The following PDZRN4 variants were observed in gnomAD, a reference collection of about 807,000 sequenced individuals.
PDZRN4 encodes the protein PDZ domain-containing RING finger protein 4.
A neutral mutation model predicts 99.0 loss-of-function variants in PDZRN4; 70 were observed. The ratio of observed to expected loss-of-function variants is 0.71; its 90% CI spans 0.58 to 0.86. The LOEUF is 0.86. Ranked by LOEUF, PDZRN4 falls within the 40% of genes least tolerant of loss-of-function variation. The pLI, the probability that PDZRN4 is intolerant of heterozygous loss-of-function variation, is 0.00. For missense variants in PDZRN4, 1,474 were observed against 1,331.2 expected (o/e 1.11, Z -1.67); for synonymous variants, 551 against 501.6 (o/e 1.10, Z -1.32).
At chr12:41,211,162 C>G (rs1240380001) in intron 3 of PDZRN4, among the ~76,000 whole-genome samples, 1 of 151,976 alleles carries the variant, frequency 6.6e-6, no homozygotes, top group African/African-American at 2.4e-5. Context: ...AGTTGCCACA[C>G]AAGGGTACTT....
intron 3 of PDZRN4, among the ~76,000 whole-genome samples, chr12:41,197,793 A>T (rs1004988377): frequency 1.3e-5 from 2 of 152,286 alleles, no homozygotes; most frequent in Non-Finnish European, 2.9e-5. Flanking sequence ...TGTAGTTATC[A>T]TCATGTTAGG....
At chr12:41,441,119 T>C (rs991272782) in intron 3 of PDZRN4, among the ~76,000 whole-genome samples, 3 of 152,186 alleles carry the variant, frequency 2.0e-5, no homozygotes, top group African/African-American at 7.2e-5. Context: ...TGGTGTCCAA[T>C]AATGTGTTAA....
chr12:41,208,099 CT>C (rs1950863494), intron 3 of PDZRN4, among the ~76,000 whole-genome samples: 1 of 151,838 alleles, frequency 6.6e-6, no homozygotes, highest in South Asian at 2.1e-4. Flanking sequence ...AGTGTCCTGT[CT>C]TTTGTGTGTT....
chr12:41,277,518 T>G (rs1431123), intron 3 of PDZRN4, among the ~76,000 whole-genome samples: 12,354 of 152,228 alleles, frequency 0.081, 638 homozygotes, highest in African/African-American at 0.14. Context: ...TATAAACAGA[T>G]GGCCGGCCTT....
rs112259675 is a variant in PDZRN4, at chr12:41,420,944, G to A, written c.844-85512G>A. Among the ~76,000 whole-genome samples, 858 of 152,000 alleles carry A rather than the reference G, an allele frequency of 5.6e-3. 11 individuals carry two copies. The highest frequency in any genetic ancestry group is 0.018 in the African/African-American group (764 of 41,482). On this transcript the variant is annotated intron_variant, in intron 3 of 9. Coordinates refer to ENST00000402685, the MANE Select transcript of PDZRN4 (RefSeq NM_001164595.2). ...ATATCTGTTTATATTCGCTATTCAC[G>A]GTACGTCTTCCTCCTGACTTCATTA... is the stretch of plus-strand genomic sequence containing the variant.
chr12:41,565,821 T>C (rs1939360559), intron 8 of PDZRN4, among the ~76,000 whole-genome samples: 1 of 152,210 alleles, frequency 6.6e-6, no homozygotes, highest in Non-Finnish European at 1.5e-5. Flanking sequence ...TAAGAACTTG[T>C]AGCCACTACC....
chr12:41,311,285 GA>G (rs201992007), intron 3 of PDZRN4, among the ~76,000 whole-genome samples: 14 of 147,904 alleles, frequency 9.5e-5, no homozygotes, highest in African/African-American at 3.2e-4. Context: ...TTTTTTTTCA[GA>G]AAAAAAAATC....
chr12:41,563,744 A>C, intron 8 of PDZRN4, 95 bp downstream of exon 8: 1 of 814,630 alleles, frequency 1.2e-6, no homozygotes. Context: ...ATTATCTGCT[A>C]TTCTCTATCA....
intron 3 of PDZRN4, among the ~76,000 whole-genome samples, chr12:41,214,387 C>T (rs1351871932): frequency 7.6e-6 from 1 of 131,474 alleles, no homozygotes. Context: ...CATGACCACC[C>T]CACTGCACTC....
At chr12:41,412,181 G>C (rs74077600) in intron 3 of PDZRN4, 1 of 152,066 alleles carries the variant, frequency 6.6e-6, no homozygotes, top group Non-Finnish European at 1.5e-5. Context: ...TGTAGCAGTC[G>C]TAGACCCCCT....
At chr12:41,279,319 A>G (rs1001687436) in intron 3 of PDZRN4, among the ~76,000 whole-genome samples, 1 of 152,254 alleles carries the variant, frequency 6.6e-6, no homozygotes, top group Non-Finnish European at 1.5e-5. Context: ...AAAATTGTCA[A>G]AATATTATTT....
chr12:41,451,586 A>G lies in PDZRN4; in HGVS notation c.844-54870A>G, dbSNP rs141412234. On this transcript the variant is annotated intron_variant, in intron 3 of 9. Transcript: ENST00000402685. ...AACTGATCAATGACAAAAATAAAAC[A>G]AAAAATCAAACAAAAGAGTGACAAA... Among the ~76,000 whole-genome samples, 33 of 152,170 alleles carry G rather than the reference A, an allele frequency of 2.2e-4. No individual in the cohort carries two copies. The East Asian group carries it at 4.6e-3, about 21-fold the overall frequency.
intron 3 of PDZRN4, among the ~76,000 whole-genome samples, chr12:41,270,836 TAAAA>T (rs1426734032): frequency 1.3e-5 from 2 of 152,084 alleles, no homozygotes; most frequent in Admixed American, 6.6e-5. Flanking sequence ...ATGAGAGTGT[TAAAA>T]ACTCAGTATA....
At chr12:41,565,663 T>C (rs1939356704) in intron 8 of PDZRN4, among the ~76,000 whole-genome samples, 1 of 152,142 alleles carries the variant, frequency 6.6e-6, no homozygotes, top group Non-Finnish European at 1.5e-5. Context: ...GGCAGTATTG[T>C]ACATCTGTGC....
rs1254256616 is a variant in PDZRN4, at chr12:41,237,163, G to A, written c.843+42975G>A. On this transcript the variant is annotated intron_variant, in intron 3 of 9. Coordinates refer to ENST00000402685, the MANE Select transcript of PDZRN4 (RefSeq NM_001164595.2). Reference sequence around the variant, plus strand: ...ATCATTATACCTTCTTGATACTGGTGCCCCCTCATAGGCACTTCTTGGGAA... The same window carrying A: ...ATCATTATACCTTCTTGATACTGGTACCCCCTCATAGGCACTTCTTGGGAA... 2.6e-5 allele frequency among the ~76,000 whole-genome samples: 4 copies of A among 152,058 alleles called. No individual in the cohort carries two copies. The South Asian group carries it at 8.3e-4, about 32-fold the overall frequency.
intron 3 of PDZRN4, among the ~76,000 whole-genome samples, chr12:41,382,948 C>T (rs1246648892): frequency 6.6e-6 from 1 of 152,116 alleles, no homozygotes; most frequent in African/African-American, 2.4e-5. Context: ...TAAAATGATT[C>T]ATAACCTTTT....
chr12:41,365,614 A>G (rs1371711093), intron 3 of PDZRN4, among the ~76,000 whole-genome samples: 1 of 152,092 alleles, frequency 6.6e-6, no homozygotes, highest in Non-Finnish European at 1.5e-5. Flanking sequence ...ACAAAAGCAG[A>G]AGAAACCCAG....
intron 3 of PDZRN4, among the ~76,000 whole-genome samples, chr12:41,480,545 A>G (rs1448119826): frequency 6.6e-6 from 1 of 152,162 alleles, no homozygotes; most frequent in East Asian, 1.9e-4. Context: ...CTGGTGGGAC[A>G]GTTTCTACAA....
intron 3 of PDZRN4, among the ~76,000 whole-genome samples, chr12:41,234,869 G>T (rs764357250): frequency 1.3e-5 from 2 of 152,026 alleles, no homozygotes; most frequent in Admixed American, 6.6e-5. Flanking sequence ...CAATGAGCAC[G>T]AGTGAATAAA....
Sources: gnomAD v4.1 joint callset for allele counts (sites outside exome capture counted in the v4.1 genomes callset) on GRCh38, gnomAD v4.1.1 for gene constraint, MANE v1.5 for transcripts, NCBI Gene and HGNC (gene_info 2026-07-23, HGNC 2026-07-21) for gene names.